Variants in G6PD observed in about 807,000 individuals in gnomAD.
G6PD encodes glucose-6-phosphate dehydrogenase, also known as glucose-6-phosphate 1-dehydrogenase.
G6PD carries 2 observed loss-of-function variants against 38.2 expected under a neutral mutation model. The ratio of observed to expected loss-of-function variants is 0.05; its 90% CI spans 0.02 to 0.16. G6PD has a LOEUF of 0.16. Ranked by LOEUF, G6PD falls within the 10% of genes least tolerant of loss-of-function variation. G6PD has a pLI of 1.00. For synonymous variants in G6PD, 188 were observed against 196.0 expected (o/e 0.96, Z 0.34); for missense variants, 310 against 471.6 (o/e 0.66, Z 3.17).
rs782494925 is a variant in G6PD at position 154,532,337 on chromosome X, G to A, written c.1364+49C>T. The A allele has an allele frequency of 9.9e-6, 12 of 1,207,205 alleles. No homozygotes were observed. In the Middle Eastern group the frequency reaches 9.2e-4, roughly 92 times the overall value. ...GTGGCACACAGGGAGGGAGGGCAAA[G>A]GCCACCCCATAGCCCACAGGTATGC... is the stretch of plus-strand genomic sequence containing the variant. On this transcript the variant is annotated intron_variant, in intron 11 of 12. Coordinates refer to ENST00000393562, the MANE Select transcript of G6PD (RefSeq NM_001360016.2).
chrX:154,532,990 C>T lies in G6PD; in HGVS notation c.1003G>A (p.Ala335Thr), dbSNP rs5030869. 1.3e-4 allele frequency: 157 copies of T among 1,210,823 alleles called. No homozygotes were observed. In the Middle Eastern group the frequency reaches 2.1e-3, roughly 16 times the overall value. ...DPTVPRGSTT[A>T]TFAAVVLYVE... ...TAGAGGACGACGGCTGCAAAAGTGG[C>T]GGTGGTGGACCCGCGGGGCACCGTG... Residue 335 changes from alanine to threonine, a missense_variant, in exon 9 of 13, where the codon GCC becomes ACC. Transcript: ENST00000393562.
At chrX:154,540,140 G>C (rs2070465154) in intron 2 of G6PD, among the ~76,000 whole-genome samples, 1 of 108,884 alleles carries the variant, frequency 9.2e-6, no homozygotes, top group Non-Finnish European at 1.9e-5. Context: ...TCAGGAGTTC[G>C]AGACCAGCCT....
rs1293771121 is a variant in G6PD, at chrX:154,546,022, T to A, written c.120+14A>T. The A allele has an allele frequency of 2.5e-6, 3 of 1,207,466 alleles. No individual in the cohort carries two copies. The African/African-American group carries it at 5.3e-5, about 21-fold the overall frequency. On this transcript the variant is annotated intron_variant, in intron 2 of 12. Coordinates refer to ENST00000393562, the MANE Select transcript of G6PD (RefSeq NM_001360016.2). ...CTTCCTGGCTTTTAAGATTGGGGCC[T>A]GGGAGATACTCACCGATGCACCCAT...
intron 2 of G6PD, among the ~76,000 whole-genome samples, chrX:154,538,298 CCT>C (rs1557231176): frequency 1.8e-5 from 2 of 111,525 alleles, no homozygotes; most frequent in African/African-American, 6.5e-5. Flanking sequence ...ACCCACTGAC[CCT>C]GTCTCTTTAA....
rs138687036 is a variant in G6PD, at chrX:154,535,963, G to A, written c.241C>T (p.Arg81Cys). 56 of 1,209,471 alleles carry A rather than the reference G, an allele frequency of 4.6e-5. No individual in the cohort carries two copies. In the East Asian group the frequency reaches 1.1e-3, roughly 24 times the overall value. The change falls in exon 4 of 13, where the codon CGC becomes TGC. Residue 81 changes from arginine to cysteine, a missense_variant. Physicochemically the swap from Arg to Cys is radical, Grantham distance 180 (BLOSUM62 -3). Around this residue, in one of 4 missense-constraint regions of G6PD, gnomAD observed 96 missense variants for 93.3 expected, o/e 1.03. Coordinates refer to ENST00000393562, the MANE Select transcript of G6PD (RefSeq NM_001360016.2). ...TTGAAGAAGGGCTCACTCTGTTTGC[G>A]GATGTCAGCCACTGTGAGGCGGGAA... ...ARSRLTVADI[R>C]KQSEPFFKAT...
Position 154,532,377 on chromosome X carries a change from G to A in G6PD, c.1364+9C>T. ...CACAGGTATGCAGGGGCCGGCAGCT[G>A]GGCCTCACCTGCGCACGAAGTGCAT... On this transcript the variant is annotated intron_variant, in intron 11 of 12. Coordinates refer to ENST00000393562, the MANE Select transcript of G6PD (RefSeq NM_001360016.2). 8.3e-7 allele frequency: 1 copy of A among 1,211,468 alleles called. No homozygotes were observed. The highest frequency in any genetic ancestry group is 1.1e-6 in the Non-Finnish European group (1 of 895,171).
In G6PD at chrX:154,539,202, C is replaced by T. The variant is rs142748407; in HGVS notation, c.121-3024G>A. 3.2e-3 allele frequency among the ~76,000 whole-genome samples: 354 copies of T among 111,851 alleles called. 1 individual carries two copies. The highest frequency in any genetic ancestry group is 4.9e-3 in the Non-Finnish European group (258 of 53,189). On this transcript the variant is annotated intron_variant, in intron 2 of 12. Transcript: ENST00000393562. ...ATGAAAGTGCAAGTCCACACAAAGACCTGCACACGAATGGTCACAGCAGCC... is the reference window on the plus strand; with the variant it reads ...ATGAAAGTGCAAGTCCACACAAAGATCTGCACACGAATGGTCACAGCAGCC...
At chrX:154,545,701 G>A (rs781914400) in intron 2 of G6PD, 9 of 235,260 alleles carry the variant, frequency 3.8e-5, no homozygotes, top group African/African-American at 8.8e-5. Context: ...CGGGTGTGGT[G>A]GTGCATGCCT....
intron 2 of G6PD, among the ~76,000 whole-genome samples, chrX:154,542,823 T>C (rs193062832): frequency 1.6e-3 from 181 of 112,106 alleles, no homozygotes; most frequent in African/African-American, 5.7e-3. Flanking sequence ...AGGGCCCATG[T>C]GTATCTTCTG....
At chrX:154,546,967 C>G, upstream of G6PD, 4 of 318,158 alleles carry the variant, frequency 1.3e-5, no homozygotes, top group Admixed American at 1.4e-4. Context: ...CTCGTGCGGG[C>G]GGGGCGGGGC....
At chrX:154,546,972 C>T (rs1603415774), upstream of G6PD, 2 of 306,410 alleles carry the variant, frequency 6.5e-6, no homozygotes, top group East Asian at 7.1e-5. Flanking sequence ...GCGGGCGGGG[C>T]GGGGCGAGGG....
At chrX:154,541,987 CCCAGCTGGTTCCTGGCCACTGGGG>C (rs1476987868) in intron 2 of G6PD, among the ~76,000 whole-genome samples, 1 of 112,011 alleles carries the variant, frequency 8.9e-6, no homozygotes, top group African/African-American at 3.2e-5. Flanking sequence ...TTGGCAGGGG[CCCAGCTGGTTCCTGGCCACTGGGG>C]CCAGAGAACC....
chrX:154,534,966 C>T (rs2070389560), intron 5 of G6PD: 12 of 467,660 alleles, frequency 2.6e-5, no homozygotes, highest in Non-Finnish European at 3.7e-5. Flanking sequence ...TGCCACCCTG[C>T]GGCCTGGCCG....
chrX:154,534,507 C>T lies in G6PD; in HGVS notation c.486-11G>A. The T allele has an allele frequency of 2.5e-6, 3 of 1,210,350 alleles. No individual in the cohort carries two copies. Among genetic ancestry groups the T allele is most frequent in the Non-Finnish European group, 3.4e-6 (3 of 895,326 alleles). On this transcript the variant is annotated splice_polypyrimidine_tract_variant and intron_variant, in intron 5 of 12. Coordinates refer to ENST00000393562, the MANE Select transcript of G6PD (RefSeq NM_001360016.2). ...ATGCGGTTCCAGCCTCTGCTGGGAG[C>T]CCGGAGCTGCGTTACCCCCTTGAAC...
rs137852324 is a variant in G6PD, at chrX:154,532,389, C to T, written c.1361G>A (p.Arg454His). The change falls in exon 11 of 13, where the codon CGC becomes CAC. Residue 454 changes from arginine to histidine, a missense_variant. Arg to His is a conservative substitution (Grantham distance 29). Around this residue, in one of 4 missense-constraint regions of G6PD, gnomAD observed 168 missense variants for 309.2 expected, o/e 0.54. Transcript: ENST00000393562. ...GGGGCCGGCAGCTGGGCCTCACCTG[C>T]GCACGAAGTGCATCTGGCTCCCGCA... ...VFCGSQMHFV[R>H]SDELREAWRI... is the part of the protein sequence containing the mutation. The T allele has an allele frequency of 1.7e-6, 2 of 1,211,633 alleles. No individual in the cohort carries two copies. The highest frequency in any genetic ancestry group is 1.1e-6 in the Non-Finnish European group (1 of 895,346).
At chrX:154,547,147 G>A, upstream of G6PD, 1 of 163,007 alleles carries the variant, frequency 6.1e-6, no homozygotes. Context: ...CGCCGGCCCG[G>A]CCCCGCCCCT....
At chrX:154,535,738 C>T (rs1432546911) in intron 4 of G6PD, 199 bp downstream of exon 4, 4 of 473,821 alleles carry the variant, frequency 8.4e-6, no homozygotes. Context: ...CGCAGCAGAG[C>T]ACAGCAGGAG....
intron 2 of G6PD, among the ~76,000 whole-genome samples, chrX:154,538,421 G>A (rs1307092333): frequency 1.8e-5 from 2 of 111,946 alleles, no homozygotes; most frequent in Admixed American, 9.5e-5. Flanking sequence ...GATATTAACA[G>A]AAAAAAATCA....
intron 2 of G6PD, 117 bp downstream of exon 2, chrX:154,545,919 G>C (rs890122382): frequency 1.1e-6 from 1 of 925,329 alleles, no homozygotes; most frequent in Non-Finnish European, 1.5e-6. Context: ...TAGCAGGAGC[G>C]GGAGGAGGAG....
Sources: allele counts gnomAD v4.1 joint callset (sites outside exome capture counted in the v4.1 genomes callset), GRCh38; gene constraint gnomAD v4.1.1; regional missense constraint gnomAD v4.1.1; transcripts MANE v1.5; gene names NCBI Gene and HGNC (gene_info 2026-07-23, HGNC 2026-07-21).